Variants in SIPA1L1 observed in about 807,000 individuals in gnomAD.
SIPA1L1 encodes signal induced proliferation associated 1 like 1.
Under a neutral mutation model 162.7 loss-of-function variants are expected in SIPA1L1, and 26 were observed. The ratio of observed to expected loss-of-function variants is 0.16; its 90% CI spans 0.12 to 0.22. The LOEUF (loss-of-function observed/expected upper bound fraction) is 0.22. Ranked by LOEUF, SIPA1L1 falls within the 10% of genes least tolerant of loss-of-function variation. SIPA1L1 has a pLI of 1.00. For missense variants in SIPA1L1, 1,874 were observed against 2,241.0 expected (o/e 0.84, Z 3.31); for synonymous variants, 829 against 837.4 (o/e 0.99, Z 0.17).
intron 7 of SIPA1L1, among the ~76,000 whole-genome samples, chr14:71,632,431 C>T (rs565843312): frequency 1.3e-5 from 2 of 152,332 alleles, no homozygotes; most frequent in Non-Finnish European, 2.9e-5. Context: ...TCTACTCCAA[C>T]TGCACAGTAC....
At chr14:71,729,944 G>A (rs2084606767) in intron 19 of SIPA1L1, 111 bp from the exon 20 acceptor site, 4 of 1,180,106 alleles carry the variant, frequency 3.4e-6, no homozygotes, top group Non-Finnish European at 4.8e-6. Context: ...AAGCTTCCTT[G>A]CTAGGGGTGT....
chr14:71,477,443 C>T (rs1432526406), intron 2 of SIPA1L1, among the ~76,000 whole-genome samples: 1 of 152,062 alleles, frequency 6.6e-6, no homozygotes, highest in Non-Finnish European at 1.5e-5. Flanking sequence ...ATAGTGTTCT[C>T]TCTGGGATGG....
chr14:71,626,947 A>G (rs1427166836), intron 7 of SIPA1L1, among the ~76,000 whole-genome samples: 1 of 151,984 alleles, frequency 6.6e-6, no homozygotes, highest in African/African-American at 2.4e-5. Flanking sequence ...TCTATTAAAT[A>G]TAAAAGAAAG....
At chr14:71,707,695 A>G (rs2082551203) in intron 16 of SIPA1L1, among the ~76,000 whole-genome samples, 1 of 152,054 alleles carries the variant, frequency 6.6e-6, no homozygotes, top group Admixed American at 6.5e-5. Flanking sequence ...TTTTTAATCC[A>G]TATATTAGTT....
At chr14:71,542,060 G>A (rs2054433715) in intron 4 of SIPA1L1, among the ~76,000 whole-genome samples, 1 of 151,958 alleles carries the variant, frequency 6.6e-6, no homozygotes, top group Non-Finnish European at 1.5e-5. Context: ...TTACTTCCCA[G>A]TCCCCCAACT....
intron 4 of SIPA1L1, among the ~76,000 whole-genome samples, chr14:71,538,285 T>C (rs548303903): frequency 6.6e-6 from 1 of 152,190 alleles, no homozygotes; most frequent in Admixed American, 6.5e-5. Context: ...CTTTTTTTTT[T>C]CTTCAGTCTT....
chr14:71,564,781 G>A (rs1187071446), intron 4 of SIPA1L1, among the ~76,000 whole-genome samples: 2 of 152,238 alleles, frequency 1.3e-5, no homozygotes, highest in South Asian at 2.1e-4. Context: ...GAGCCACCAC[G>A]CCCGGCCATC....
chr14:71,331,261 C>CT (rs2034507300), intron 2 of SIPA1L1, among the ~76,000 whole-genome samples: 2 of 152,188 alleles, frequency 1.3e-5, no homozygotes, highest in African/African-American at 4.8e-5. Flanking sequence ...GTCTCTTTGT[C>CT]TGTTTTTATG....
intron 10 of SIPA1L1, among the ~76,000 whole-genome samples, chr14:71,662,077 A>T (rs569351636): frequency 1.3e-5 from 2 of 152,326 alleles, no homozygotes; most frequent in South Asian, 4.1e-4. Flanking sequence ...CGCTAGCTCG[A>T]TAGGGGTGTA....
intron 16 of SIPA1L1, among the ~76,000 whole-genome samples, chr14:71,707,851 A>G (rs2082565045): frequency 6.6e-6 from 1 of 152,018 alleles, no homozygotes; most frequent in Admixed American, 6.6e-5. Context: ...GTTTTCCCAT[A>G]GTTACCACCC....
intron 2 of SIPA1L1, among the ~76,000 whole-genome samples, chr14:71,388,960 G>C (rs956650203): frequency 3.9e-5 from 6 of 152,094 alleles, no homozygotes; most frequent in African/African-American, 1.4e-4. Context: ...GTTGTTGTTT[G>C]GTAGAGATAG....
intron 2 of SIPA1L1, among the ~76,000 whole-genome samples, chr14:71,326,629 G>A (rs2033836371): frequency 6.6e-6 from 1 of 151,194 alleles, no homozygotes; most frequent in African/African-American, 2.4e-5. Flanking sequence ...TATGGTCAGT[G>A]TCTTTTACTC....
At chr14:71,405,570 G>A (rs963488558) in intron 2 of SIPA1L1, among the ~76,000 whole-genome samples, 6 of 152,178 alleles carry the variant, frequency 3.9e-5, no homozygotes, top group African/African-American at 1.2e-4. Context: ...CCCTTCTGGG[G>A]TAAAGGCCAG....
intron 5 of SIPA1L1, among the ~76,000 whole-genome samples, chr14:71,597,992 T>C (rs2036245011): frequency 6.6e-6 from 1 of 152,182 alleles, no homozygotes; most frequent in Non-Finnish European, 1.5e-5. Flanking sequence ...GCCTAAAATT[T>C]ATTGAGTTGA....
intron 2 of SIPA1L1, among the ~76,000 whole-genome samples, chr14:71,341,735 A>G (rs1228448960): frequency 6.6e-6 from 1 of 152,100 alleles, no homozygotes; most frequent in Non-Finnish European, 1.5e-5. Flanking sequence ...GCTCCCAATT[A>G]TAAGTGAGAA....
At position 71,615,557 on chromosome 14, in the gene SIPA1L1, T is replaced by C. The variant is rs112962703; in HGVS notation, c.1499-3200T>C. Among the ~76,000 whole-genome samples the C allele has an allele frequency of 7.0e-3, 1,063 of 152,148 alleles. 10 individuals carry two copies. The highest frequency in any genetic ancestry group is 0.02 in the African/African-American group (826 of 41,510). ...TGTCCAGAAGCTGGAATTCACAGAG[T>C]ATGGCAGTGGGCCTGGCATGAGCAA... On this transcript the variant is annotated intron_variant, in intron 5 of 23. Coordinates refer to ENST00000381232, the MANE Select transcript of SIPA1L1 (RefSeq NM_001386936.1).
chr14:71,494,438 A>T (rs963170216), intron 2 of SIPA1L1, among the ~76,000 whole-genome samples: 1 of 151,746 alleles, frequency 6.6e-6, no homozygotes. Flanking sequence ...GGAGGTTATA[A>T]TAATTGATTT....
At chr14:71,691,566 C>T (rs1049054050) in intron 13 of SIPA1L1, among the ~76,000 whole-genome samples, 3 of 152,182 alleles carry the variant, frequency 2.0e-5, no homozygotes, top group Non-Finnish European at 4.4e-5. Flanking sequence ...GCACTTCAGC[C>T]GGGGTAACAG....
chr14:71,650,224 G>A (rs867265767), intron 7 of SIPA1L1, 111 bp from the exon 8 acceptor site: 5 of 1,056,650 alleles, frequency 4.7e-6, no homozygotes, highest in African/African-American at 3.1e-5. Context: ...TTCAAGAGAA[G>A]AAAGGTGTTA....
Sources: gnomAD v4.1 joint callset for allele counts (sites outside exome capture counted in the v4.1 genomes callset) on GRCh38, gnomAD v4.1.1 for gene constraint, MANE v1.5 for transcripts, NCBI Gene and HGNC (gene_info 2026-07-23, HGNC 2026-07-21) for gene names.